ADAMTSL3: variants seen among roughly 807,000 people sequenced by gnomAD.
ADAMTSL3 encodes the protein ADAMTS-like protein 3.
ADAMTSL3 carries 128 observed loss-of-function variants against 201.7 expected under a neutral mutation model. The observed-to-expected ratio is 0.63, with a 90% confidence interval of 0.55 to 0.73. The LOEUF is 0.73. Among genes scored for constraint, ADAMTSL3 ranks in the 30% least tolerant of loss-of-function variants. The pLI, the probability that ADAMTSL3 is intolerant of heterozygous loss-of-function variation, is 0.00. For missense variants in ADAMTSL3, 1,990 were observed against 2,119.6 expected, an observed-to-expected ratio of 0.94 and a Z score of 1.20; for synonymous variants, 738 against 748.4, an observed-to-expected ratio of 0.99 and a Z score of 0.23.
At chr15:83,814,672 C>G (rs2063746447) in intron 5 of ADAMTSL3, among the ~76,000 whole-genome samples, 2 of 152,110 alleles carry the variant, frequency 1.3e-5, no homozygotes, top group East Asian at 1.9e-4. Flanking sequence ...GAAAGAATCA[C>G]AAAATTTAGC....
At chr15:83,849,937 C>T (rs1168412090) in intron 7 of ADAMTSL3, among the ~76,000 whole-genome samples, 3 of 152,070 alleles carry the variant, frequency 2.0e-5, no homozygotes, top group Non-Finnish European at 4.4e-5. Flanking sequence ...GACTTTAATA[C>T]ATTGAAGTGA....
At chr15:83,760,827 A>G (rs1464020697) in intron 3 of ADAMTSL3, among the ~76,000 whole-genome samples, 2 of 151,954 alleles carry the variant, frequency 1.3e-5, no homozygotes, top group Non-Finnish European at 2.9e-5. Context: ...ATTTTTTTCA[A>G]TCTTTTATTT....
intron 20 of ADAMTSL3, among the ~76,000 whole-genome samples, chr15:83,971,912 A>ATATGTTATATATCAT (rs2067204040): frequency 6.7e-6 from 1 of 148,318 alleles, no homozygotes; most frequent in African/African-American, 2.4e-5. Flanking sequence ...TGTTTTATAT[A>ATATGTTATATATCAT]TATGTTATAT....
At chr15:84,022,230 AT>A (rs1207745607) in intron 26 of ADAMTSL3, among the ~76,000 whole-genome samples, 2 of 151,578 alleles carry the variant, frequency 1.3e-5, no homozygotes, top group African/African-American at 4.9e-5. Flanking sequence ...CCAAGCCGTC[AT>A]TTTTTCTTAC....
chr15:83,989,007 G>A (rs1041116152), intron 22 of ADAMTSL3, among the ~76,000 whole-genome samples, 189 bp downstream of exon 22: 3 of 151,390 alleles, frequency 2.0e-5, no homozygotes, highest in East Asian at 1.9e-4. Flanking sequence ...TCAGCCTCCC[G>A]AGTAGCTGGG....
intron 5 of ADAMTSL3, among the ~76,000 whole-genome samples, chr15:83,805,995 T>A (rs1244202785): frequency 6.6e-6 from 1 of 152,184 alleles, no homozygotes; most frequent in Non-Finnish European, 1.5e-5. Context: ...TTCCCACAGC[T>A]GCATTGCTTC....
At chr15:83,963,673 C>A (rs1419863847) in intron 19 of ADAMTSL3, among the ~76,000 whole-genome samples, 1 of 152,250 alleles carries the variant, frequency 6.6e-6, no homozygotes, top group African/African-American at 2.4e-5. Flanking sequence ...GATAGACTGT[C>A]TCCTCAAGTG....
intron 5 of ADAMTSL3, among the ~76,000 whole-genome samples, chr15:83,818,957 G>A (rs902672204): frequency 3.9e-5 from 6 of 152,060 alleles, no homozygotes; most frequent in African/African-American, 7.2e-5. Flanking sequence ...GGAGCCTGAC[G>A]GGAGGAAAGA....
At chr15:83,986,738 C>T (rs2067484117) in intron 21 of ADAMTSL3, among the ~76,000 whole-genome samples, 1 of 152,148 alleles carries the variant, frequency 6.6e-6, no homozygotes, top group African/African-American at 2.4e-5. Flanking sequence ...ACTGTGTAGG[C>T]ATGGAGTACT....
At chr15:83,731,547 G>A (rs906567984) in intron 3 of ADAMTSL3, among the ~76,000 whole-genome samples, 3 of 151,944 alleles carry the variant, frequency 2.0e-5, no homozygotes, top group Admixed American at 6.6e-5. Context: ...TAGCACTCAT[G>A]ATTCTAGGTA....
chr15:83,853,955 T>TCTAC (rs1262232203), intron 7 of ADAMTSL3, among the ~76,000 whole-genome samples: 38 of 132,192 alleles, frequency 2.9e-4, no homozygotes, highest in Middle Eastern at 4.1e-3. Context: ...TATCTATCTA[T>TCTAC]CTAATTCCTC....
At chr15:83,894,297 T>G (rs1396850106) in intron 13 of ADAMTSL3, among the ~76,000 whole-genome samples, 2 of 152,198 alleles carry the variant, frequency 1.3e-5, no homozygotes, top group East Asian at 1.9e-4. Flanking sequence ...GGGGAAGAAG[T>G]TACCAATTAA....
intron 4 of ADAMTSL3, among the ~76,000 whole-genome samples, chr15:83,798,137 C>G (rs994512380): frequency 6.6e-6 from 1 of 152,034 alleles, no homozygotes; most frequent in African/African-American, 2.4e-5. Flanking sequence ...CAATATGATT[C>G]CATGTACTCA....
intron 15 of ADAMTSL3, among the ~76,000 whole-genome samples, chr15:83,912,589 A>T (rs1180239658): frequency 6.6e-6 from 1 of 152,214 alleles, no homozygotes; most frequent in Admixed American, 6.5e-5. Context: ...TTAAACATAA[A>T]AGAATATTAA....
intron 6 of ADAMTSL3, 38 bp downstream of exon 6, chr15:83,820,085 T>A: frequency 6.5e-7 from 1 of 1,535,738 alleles, no homozygotes; most frequent in Non-Finnish European, 9.0e-7. Context: ...GCTTTGGGGA[T>A]GTGCCACGCC....
chr15:83,954,041 A>G lies in ADAMTSL3; in HGVS notation c.2490+10959A>G, dbSNP rs80047070. ...TTGCACTAAGTATGCTTGGTATTAT[A>G]TAACCTTCTTGCACTTGAATGTTAA... On this transcript the variant is annotated intron_variant, in intron 19 of 29. Transcript: ENST00000286744. Among the ~76,000 whole-genome samples the G allele has an allele frequency of 8.7e-3, 1,318 of 152,302 alleles. 19 individuals are homozygous for G. Among genetic ancestry groups the G allele is most frequent in the East Asian group, 0.057 (293 of 5,178 alleles).
chr15:83,819,263 C>CAA lies in ADAMTSL3; in HGVS notation c.364-530_364-529dup, dbSNP rs397932701. 1.5e-3 allele frequency among the ~76,000 whole-genome samples: 112 copies of CAA among 76,344 alleles called. 2 individuals carry two copies. Among genetic ancestry groups the CAA allele is most frequent in the South Asian group, 3.6e-3 (8 of 2,252 alleles). 50.1% of individuals were successfully genotyped at this position (76,344 alleles called of 152,430 possible). A position where few individuals can be genotyped will look rare whatever the true frequency, so the allele number is the denominator to read the frequency against. Reference sequence around the variant, plus strand: ...CTGGCGACAGAGTGACACTCCGTCTCAAAAAAAAAAAAAAAAAAACAATGA... The same window carrying CAA: ...CTGGCGACAGAGTGACACTCCGTCTCAAAAAAAAAAAAAAAAAAAAACAATGA... On this transcript the variant is annotated intron_variant, in intron 5 of 29. Coordinates refer to ENST00000286744, the MANE Select transcript of ADAMTSL3 (RefSeq NM_207517.3).
At chr15:83,907,086 C>A (rs1461952396) in intron 15 of ADAMTSL3, among the ~76,000 whole-genome samples, 5 of 120,298 alleles carry the variant, frequency 4.2e-5, no homozygotes, top group African/African-American at 1.7e-4. Flanking sequence ...AGAGCAAGAC[C>A]CTGTCTCTGG....
chr15:83,898,020 C>T lies in ADAMTSL3; in HGVS notation c.1615+15C>T. The T allele has an allele frequency of 1.2e-6, 2 of 1,602,462 alleles. No homozygotes were observed. Among genetic ancestry groups the T allele is most frequent in the East Asian group, 2.2e-5 (1 of 44,638 alleles). On this transcript the variant is annotated intron_variant, in intron 14 of 29. Transcript: ENST00000286744. ...TAAACCAAAAGGTAAGTCTGTGGTG[C>T]ACTGTAAATTCAAATCAAATGGTAT...
Sources: allele counts gnomAD v4.1 joint callset (sites outside exome capture counted in the v4.1 genomes callset), GRCh38; gene constraint gnomAD v4.1.1; transcripts MANE v1.5; gene names NCBI Gene and HGNC (gene_info 2026-07-23, HGNC 2026-07-21).